The following SEL1L2 variants were observed in gnomAD, a reference collection of about 807,000 sequenced individuals.
SEL1L2 encodes the protein protein sel-1 homolog 2.
In SEL1L2, 89 loss-of-function variants were observed where a neutral mutation model predicts 98.8. That is an observed-to-expected ratio of 0.90 (90% confidence interval 0.76 to 1.07). SEL1L2 has a LOEUF of 1.07. Among genes scored for constraint, SEL1L2 ranks in the 50% least tolerant of loss-of-function variants. The probability of loss-of-function intolerance (pLI) is 0.00; values close to 1 mark genes in which losing one functional copy is unlikely to be tolerated. For missense variants in SEL1L2, 788 were observed against 812.0 expected (o/e 0.97, Z 0.36); for synonymous variants, 262 against 278.5 (o/e 0.94, Z 0.59).
intron 1 of SEL1L2, among the ~76,000 whole-genome samples, chr20:13,977,726 G>A (rs921731120): frequency 1.3e-5 from 2 of 152,068 alleles, no homozygotes; most frequent in African/African-American, 4.8e-5. Flanking sequence ...TCCCCAGGCC[G>A]AAGACTGTCC....
At position 13,896,575 on chromosome 20, in the gene SEL1L2, G is replaced by A. The variant is rs140870766; in HGVS notation, c.550-8063C>T. 2.3e-3 allele frequency among the ~76,000 whole-genome samples: 330 copies of A among 143,404 alleles called. 2 individuals are homozygous for A. In the East Asian group the frequency reaches 0.033, roughly 14 times the overall value. The allele number at this position is 143,404 out of a possible 152,430, so 94.1% of individuals were successfully genotyped here. ...AAGCTGCAGGACACAAAAACAACAT[G>A]CAAAAATCAGTTGTGTACCTATATA... On this transcript the variant is annotated intron_variant, in intron 5 of 19. Coordinates refer to ENST00000284951, the MANE Select transcript of SEL1L2 (RefSeq NM_025229.2).
At position 13,875,550 on chromosome 20, in the gene SEL1L2, G is replaced by A. The variant is rs188500145; in HGVS notation, c.1104+488C>T. Among the ~76,000 whole-genome samples the A allele has an allele frequency of 6.9e-4, 105 of 152,298 alleles. 1 individual carries two copies. The highest frequency in any genetic ancestry group is 2.5e-3 in the African/African-American group (102 of 41,566). On this transcript the variant is annotated intron_variant, in intron 12 of 19. Transcript: ENST00000284951. ...TGTCTCCAGATCCCTATTCTCAGTC[G>A]CCTTGCCCTGGCCTCCTCCCTGACA...
intron 10 of SEL1L2, among the ~76,000 whole-genome samples, chr20:13,880,055 A>C (rs2046623238): frequency 6.6e-6 from 1 of 152,208 alleles, no homozygotes; most frequent in Non-Finnish European, 1.5e-5. Flanking sequence ...TGTACTTAGC[A>C]TAGTGTGGGC....
chr20:13,961,425 G>A (rs571920641), intron 1 of SEL1L2, among the ~76,000 whole-genome samples: 2 of 152,306 alleles, frequency 1.3e-5, no homozygotes, highest in African/African-American at 4.8e-5. Flanking sequence ...AAGTGGTAGG[G>A]AAGAAGCTAG....
intron 4 of SEL1L2, among the ~76,000 whole-genome samples, chr20:13,917,376 A>C (rs1288237457): frequency 6.6e-6 from 1 of 151,864 alleles, no homozygotes. Flanking sequence ...CCACCCCCTC[A>C]CTTCTTTCTT....
chr20:13,882,858 C>T lies in SEL1L2; in HGVS notation c.957+2489G>A, dbSNP rs544881304. Among the ~76,000 whole-genome samples, 5 of 147,032 alleles carry T rather than the reference C, an allele frequency of 3.4e-5. No individual in the cohort carries two copies. The South Asian group carries it at 1.1e-3, about 32-fold the overall frequency. On this transcript the variant is annotated intron_variant, in intron 10 of 19. Coordinates refer to ENST00000284951, the MANE Select transcript of SEL1L2 (RefSeq NM_025229.2). ...TTGAGACGGAGTCTCGCTCTGTCGC[C>T]CAGGCTGGAGTGCAGTGGCGGGATC... is the stretch of plus-strand genomic sequence containing the variant.
intron 14 of SEL1L2, among the ~76,000 whole-genome samples, chr20:13,868,767 C>T (rs555838232): frequency 1.3e-5 from 2 of 152,142 alleles, no homozygotes; most frequent in Admixed American, 1.3e-4. Context: ...GCCACCATGC[C>T]AGGCTAATTT....
At chr20:13,850,135 A>C in intron 19 of SEL1L2, 56 bp downstream of exon 19, 1 of 1,603,914 alleles carries the variant, frequency 6.2e-7, no homozygotes, top group Non-Finnish European at 8.5e-7. Context: ...CTTTGTCCCT[A>C]AGAGTTGCTC....
chr20:13,874,792 T>C (rs2046361645), intron 12 of SEL1L2, among the ~76,000 whole-genome samples: 1 of 152,214 alleles, frequency 6.6e-6, no homozygotes, highest in Admixed American at 6.5e-5. Context: ...TGTGGGTTTT[T>C]AAAAACTGAG....
chr20:13,990,188 A>C (rs1569098861), intron 1 of SEL1L2, among the ~76,000 whole-genome samples: 1 of 152,168 alleles, frequency 6.6e-6, no homozygotes, highest in Non-Finnish European at 1.5e-5. Flanking sequence ...AACTTGCCCT[A>C]AATATCCCTA....
chr20:13,970,199 A>G (rs2051219793), intron 1 of SEL1L2, among the ~76,000 whole-genome samples: 1 of 152,168 alleles, frequency 6.6e-6, no homozygotes, highest in African/African-American at 2.4e-5. Flanking sequence ...AAAGAATCGC[A>G]AGTTTGGAAT....
intron 1 of SEL1L2, among the ~76,000 whole-genome samples, chr20:13,967,138 C>T (rs2051084650): frequency 1.3e-5 from 2 of 152,110 alleles, no homozygotes; most frequent in Non-Finnish European, 2.9e-5. Flanking sequence ...GCCTCGGCCT[C>T]CCAAAGTGCT....
intron 12 of SEL1L2, among the ~76,000 whole-genome samples, chr20:13,875,209 A>G (rs1339235192): frequency 6.6e-6 from 1 of 152,168 alleles, no homozygotes; most frequent in African/African-American, 2.4e-5. Flanking sequence ...ACTTCACAAT[A>G]TGAATGAAGC....
At chr20:13,942,076 G>A (rs1376169185) in intron 2 of SEL1L2, among the ~76,000 whole-genome samples, 1 of 152,198 alleles carries the variant, frequency 6.6e-6, no homozygotes, top group Non-Finnish European at 1.5e-5. Flanking sequence ...GCTTATAGAA[G>A]GCATCAGTGA....
At chr20:13,954,628 G>C (rs1400733003) in intron 2 of SEL1L2, among the ~76,000 whole-genome samples, 1 of 152,114 alleles carries the variant, frequency 6.6e-6, no homozygotes, top group Non-Finnish European at 1.5e-5. Context: ...GCTTTACAAG[G>C]TTGGAAGGGG....
chr20:13,855,978 C>T (rs563304934), intron 18 of SEL1L2, among the ~76,000 whole-genome samples: 172 of 152,218 alleles, frequency 1.1e-3, no homozygotes, highest in African/African-American at 3.8e-3. Context: ...AATTGAAGAC[C>T]CCTGAGTAGT....
At chr20:13,957,211 A>T (rs1464053132) in intron 1 of SEL1L2, among the ~76,000 whole-genome samples, 1 of 151,614 alleles carries the variant, frequency 6.6e-6, no homozygotes, top group Non-Finnish European at 1.5e-5. Context: ...AGCAGTTCTC[A>T]TGCCTCAGCC....
chr20:13,904,306 A>T (rs976543307), intron 5 of SEL1L2, among the ~76,000 whole-genome samples: 3 of 152,184 alleles, frequency 2.0e-5, no homozygotes, highest in Admixed American at 2.0e-4. Context: ...AGGTGAGCAG[A>T]TCACTTGAGG....
Position 13,859,654 on chromosome 20 carries a change from C to T in SEL1L2, c.1646-220G>A, listed in dbSNP as rs143121780. Among the ~76,000 whole-genome samples, 646 of 152,254 alleles carry T rather than the reference C, an allele frequency of 4.2e-3. 2 individuals are homozygous for T. Among genetic ancestry groups the T allele is most frequent in the South Asian group, 0.014 (66 of 4,816 alleles). ...TCAATGCTAACTGTTTTCATTATAG[C>T]GTAACATCCATGGTATAGTATGCAT... is the stretch of plus-strand genomic sequence containing the variant. On this transcript the variant is annotated intron_variant, in intron 17 of 19. Transcript: ENST00000284951.
Sources: allele counts gnomAD v4.1 joint callset (sites outside exome capture counted in the v4.1 genomes callset), GRCh38; gene constraint gnomAD v4.1.1; transcripts MANE v1.5; gene names NCBI Gene and HGNC (gene_info 2026-07-23, HGNC 2026-07-21).